Variants in INPP5A observed in about 807,000 individuals in gnomAD.
INPP5A encodes inositol polyphosphate-5-phosphatase A.
A neutral mutation model predicts 65.2 loss-of-function variants in INPP5A; 14 were observed. That is an observed-to-expected ratio of 0.21 (90% confidence interval 0.14 to 0.34). The LOEUF (loss-of-function observed/expected upper bound fraction) is 0.34, where lower values mean the gene tolerates loss of function less well. Among genes scored for constraint, INPP5A ranks in the 10% least tolerant of loss-of-function variants. The probability of loss-of-function intolerance (pLI) is 1.00; values close to 1 mark genes in which losing one functional copy is unlikely to be tolerated. For missense variants in INPP5A, 431 were observed against 545.6 expected (o/e 0.79, Z 2.09); for synonymous variants, 207 against 208.3 (o/e 0.99, Z 0.05).
At chr10:132,713,257 C>T (rs189278120) in intron 8 of INPP5A, among the ~76,000 whole-genome samples, 1 of 152,058 alleles carries the variant, frequency 6.6e-6, no homozygotes, top group East Asian at 1.9e-4. Flanking sequence ...GGTGCATGTG[C>T]ACATAAGTGT....
intron 2 of INPP5A, among the ~76,000 whole-genome samples, chr10:132,630,206 G>T (rs896567225): frequency 1.3e-5 from 2 of 151,404 alleles, no homozygotes; most frequent in African/African-American, 4.9e-5. Flanking sequence ...TGAGGGGAAG[G>T]CGTCCATGAG....
chr10:132,641,427 G>A (rs577438018), intron 2 of INPP5A, among the ~76,000 whole-genome samples: 1 of 152,310 alleles, frequency 6.6e-6, no homozygotes, highest in Non-Finnish European at 1.5e-5. Flanking sequence ...TCTCCATACA[G>A]CTAACTAGTC....
rs1376650398 is a variant in INPP5A at position 132,546,120 on chromosome 10, G to A, written c.75+7949G>A. Among the ~76,000 whole-genome samples the A allele has an allele frequency of 6.6e-6, 1 of 152,202 alleles. No homozygotes were observed. The highest frequency in any genetic ancestry group is 2.4e-5 in the African/African-American group (1 of 41,444). ...GCAGCCCTTGGCCGTGTCACGCCATGTGCTCATGTGACCGAGGACGCTTCC... is the reference window on the plus strand; with the variant it reads ...GCAGCCCTTGGCCGTGTCACGCCATATGCTCATGTGACCGAGGACGCTTCC... On this transcript the variant is annotated intron_variant, in intron 1 of 15. Transcript: ENST00000368594. The surrounding 1 kb of genome is among the most constrained non-coding windows in gnomAD (Gnocchi z 5.7).
At chr10:132,584,077 C>T (rs1024512148) in intron 1 of INPP5A, among the ~76,000 whole-genome samples, 5 of 152,188 alleles carry the variant, frequency 3.3e-5, no homozygotes, top group African/African-American at 1.2e-4. Context: ...AGCAAGACTG[C>T]GTCTCCAGAA....
rs548333217 is a variant in INPP5A at position 132,650,577 on chromosome 10, G to A, written c.306+72G>A. Reference sequence around the variant, plus strand: ...TGGCAGAAGCCAGCCCTTCTCCTGTGTAAATGGAGAGAGGTCGGGGTGCTC... The same window carrying A: ...TGGCAGAAGCCAGCCCTTCTCCTGTATAAATGGAGAGAGGTCGGGGTGCTC... On this transcript the variant is annotated intron_variant, in intron 4 of 15. Coordinates refer to ENST00000368594, the MANE Select transcript of INPP5A (RefSeq NM_005539.5). This position sits in a 1 kb window ranked among gnomAD's most constrained non-coding sequence, Gnocchi z 5.5. 1 of 1,103,470 alleles carries A rather than the reference G, an allele frequency of 9.1e-7. No homozygotes were observed. Among genetic ancestry groups the A allele is most frequent in the African/African-American group, 1.5e-5 (1 of 65,198 alleles). The allele number at this position is 1,103,470 out of a possible 1,614,324, so 68.4% of individuals were successfully genotyped here.
intron 4 of INPP5A, among the ~76,000 whole-genome samples, chr10:132,684,664 C>A (rs1469370664): frequency 1.3e-5 from 2 of 152,242 alleles, no homozygotes; most frequent in Non-Finnish European, 2.9e-5. Context: ...TCTGAAAGAT[C>A]AGGCTCAGAA....
intron 4 of INPP5A, among the ~76,000 whole-genome samples, chr10:132,688,544 T>G (rs1431413978): frequency 6.6e-6 from 1 of 152,238 alleles, no homozygotes; most frequent in East Asian, 1.9e-4. Context: ...CACTCAGAAC[T>G]GCAGGGTTGT....
intron 9 of INPP5A, among the ~76,000 whole-genome samples, chr10:132,742,100 A>G (rs934313377): frequency 4.6e-5 from 7 of 152,142 alleles, no homozygotes; most frequent in Admixed American, 4.6e-4. Context: ...TGAACTTACT[A>G]CCAGATAGAG....
chr10:132,589,001 G>A (rs1028537152), intron 1 of INPP5A, among the ~76,000 whole-genome samples: 1 of 151,472 alleles, frequency 6.6e-6, no homozygotes, highest in Non-Finnish European at 1.5e-5. Flanking sequence ...TGTCGCCATC[G>A]GTGGTCACTG....
chr10:132,597,561 G>T (rs954698840), intron 1 of INPP5A, among the ~76,000 whole-genome samples: 6 of 152,140 alleles, frequency 3.9e-5, no homozygotes, highest in Admixed American at 2.0e-4. Flanking sequence ...AATGCATTAG[G>T]CAAGTTAAAC....
At chr10:132,658,325 T>C (rs911808130) in intron 4 of INPP5A, among the ~76,000 whole-genome samples, 7 of 152,158 alleles carry the variant, frequency 4.6e-5, no homozygotes, top group South Asian at 2.1e-4. Flanking sequence ...TTGGGCACAT[T>C]ATTTCTTTGG....
At chr10:132,685,115 G>A (rs960952008) in intron 4 of INPP5A, among the ~76,000 whole-genome samples, 1 of 152,154 alleles carries the variant, frequency 6.6e-6, no homozygotes, top group African/African-American at 2.4e-5. Context: ...AAAATGTCAT[G>A]CTGTCTCAGA....
chr10:132,565,357 A>G (rs2071259336), intron 1 of INPP5A, among the ~76,000 whole-genome samples: 1 of 152,244 alleles, frequency 6.6e-6, no homozygotes, highest in African/African-American at 2.4e-5. Flanking sequence ...TTTTAACCCC[A>G]TAGTTTGTGG....
chr10:132,754,537 G>T (rs1297000846), intron 11 of INPP5A, among the ~76,000 whole-genome samples: 1 of 152,252 alleles, frequency 6.6e-6, no homozygotes, highest in Non-Finnish European at 1.5e-5. Flanking sequence ...TCCACCCCTG[G>T]CTCCAGTACC....
At chr10:132,731,138 C>T (rs535870607) in intron 9 of INPP5A, among the ~76,000 whole-genome samples, 3 of 152,178 alleles carry the variant, frequency 2.0e-5, no homozygotes, top group East Asian at 3.9e-4. Context: ...CATGGGATGG[C>T]GTGGTCAGCC....
intron 1 of INPP5A, among the ~76,000 whole-genome samples, chr10:132,564,880 G>A (rs1382330155): frequency 1.3e-5 from 2 of 152,004 alleles, no homozygotes; most frequent in African/African-American, 4.8e-5. Flanking sequence ...CGTATGCCTG[G>A]GCCTGTGCTG....
At chr10:132,628,463 C>CGGGGGGGGGGGGGGGGGGGGG (rs55668291) in intron 2 of INPP5A, among the ~76,000 whole-genome samples, 1 of 23,296 alleles carries the variant, frequency 4.3e-5, no homozygotes, top group Non-Finnish European at 9.9e-5. Context: ...GCTCTGGTGG[C>CGGGGGGGGGGGGGGGGGGGGG]GGGGGGGGGG....
At chr10:132,583,198 AT>A (rs2071506074) in intron 1 of INPP5A, among the ~76,000 whole-genome samples, 1 of 152,098 alleles carries the variant, frequency 6.6e-6, no homozygotes, top group South Asian at 2.1e-4. Context: ...TATAAATGGT[AT>A]TTTTAAACGT....
chr10:132,638,240 G>A (rs2072382241), intron 2 of INPP5A, among the ~76,000 whole-genome samples: 1 of 152,170 alleles, frequency 6.6e-6, no homozygotes, highest in Non-Finnish European at 1.5e-5. Flanking sequence ...CTTGAAGCAT[G>A]GCTGTCCTGC....
Sources: allele counts gnomAD v4.1 joint callset (sites outside exome capture counted in the v4.1 genomes callset), GRCh38; gene constraint gnomAD v4.1.1; non-coding constraint Gnocchi (gnomAD v3.1); transcripts MANE v1.5; gene names NCBI Gene and HGNC (gene_info 2026-07-23, HGNC 2026-07-21).